CDK13: variants seen among roughly 807,000 people sequenced by gnomAD.
The protein encoded by CDK13 is cyclin-dependent kinase 13.
In CDK13, 40 loss-of-function variants were observed where a neutral mutation model predicts 137.6. The ratio of observed to expected loss-of-function variants is 0.29; its 90% CI spans 0.23 to 0.38. CDK13 has a LOEUF of 0.38. Among genes scored for constraint, CDK13 ranks in the 10% least tolerant of loss-of-function variants. CDK13 has a pLI of 1.00. For synonymous variants in CDK13, 869 were observed against 760.1 expected (o/e 1.14, Z -2.36); for missense variants, 1,704 against 1,951.8 (o/e 0.87, Z 2.39).
At position 40,030,278 on chromosome 7, in the gene CDK13, G is replaced by T. The variant is rs754855434; in HGVS notation, c.2354-15558G>T. 4.1e-3 allele frequency among the ~76,000 whole-genome samples: 515 copies of T among 127,012 alleles called. 3 individuals are homozygous for T. The highest frequency in any genetic ancestry group is 7.4e-3 in the Admixed American group (105 of 14,118). The allele number at this position is 127,012 out of a possible 152,430, so 83.3% of individuals were successfully genotyped here. ...GTGTGTGTGTATATATATATATAGAGAGAGAGAGAGAGAGAAAGTCATTCA... is the reference window on the plus strand; with the variant it reads ...GTGTGTGTGTATATATATATATAGATAGAGAGAGAGAGAGAAAGTCATTCA... On this transcript the variant is annotated intron_variant, in intron 5 of 13. Coordinates refer to ENST00000181839, the MANE Select transcript of CDK13 (RefSeq NM_003718.5).
intron 3 of CDK13, chr7:39,999,113 T>C (rs545168918): frequency 3.3e-6 from 1 of 305,138 alleles, no homozygotes; most frequent in African/African-American, 2.1e-5. Flanking sequence ...CAAGCTCTAC[T>C]ACTTTTTTTC....
intron 1 of CDK13, among the ~76,000 whole-genome samples, chr7:39,953,556 T>C (rs1787306758): frequency 6.6e-6 from 1 of 152,220 alleles, no homozygotes; most frequent in Admixed American, 6.5e-5. Context: ...AATCGTGGTA[T>C]GTATGACTAG....
chr7:40,082,486 CAAAAAAAAAAAAAAAA>C (rs70996879), intron 11 of CDK13, among the ~76,000 whole-genome samples: 9 of 74,794 alleles, frequency 1.2e-4, no homozygotes, highest in Non-Finnish European at 8.9e-5. Context: ...ACTCCATTTC[CAAAAAAAAAAAAAAAA>C]AAAAAAAAAA....
At chr7:40,023,568 C>T (rs1003067067) in intron 5 of CDK13, among the ~76,000 whole-genome samples, 1 of 151,220 alleles carries the variant, frequency 6.6e-6, no homozygotes, top group African/African-American at 2.4e-5. Flanking sequence ...GGCATGATCT[C>T]GGCTCACTGC....
intron 5 of CDK13, among the ~76,000 whole-genome samples, chr7:40,039,434 ATT>A (rs976319927): frequency 7.6e-4 from 65 of 84,986 alleles, no homozygotes; most frequent in African/African-American, 7.2e-4. Context: ...TGCCCGGCTA[ATT>A]TTTTTTTTTT....
chr7:40,087,290 A>G (rs1786810571), intron 11 of CDK13, among the ~76,000 whole-genome samples: 1 of 151,802 alleles, frequency 6.6e-6, no homozygotes. Flanking sequence ...ACTGCAGTGC[A>G]CAACATCATG....
chr7:39,968,305 C>G (rs1384369394), intron 1 of CDK13, among the ~76,000 whole-genome samples: 1 of 152,116 alleles, frequency 6.6e-6, no homozygotes. Context: ...AACCTTTGCC[C>G]AAACTAATGT....
At chr7:40,055,446 G>A (rs944212750) in intron 7 of CDK13, among the ~76,000 whole-genome samples, 4 of 151,988 alleles carry the variant, frequency 2.6e-5, no homozygotes, top group African/African-American at 4.8e-5. Flanking sequence ...AAAAAGCATC[G>A]TATATGTAGT....
At chr7:40,006,823 A>C (rs962201109) in intron 5 of CDK13, among the ~76,000 whole-genome samples, 1 of 152,162 alleles carries the variant, frequency 6.6e-6, no homozygotes, top group African/African-American at 2.4e-5. Context: ...GTATGAAGTA[A>C]AAACTCGAGT....
intron 1 of CDK13, among the ~76,000 whole-genome samples, chr7:39,957,312 G>GATGATAAAAGTTAGTTTTTTTATC (rs567959157): frequency 1.8e-4 from 27 of 151,470 alleles, no homozygotes; most frequent in Middle Eastern, 3.4e-3. Flanking sequence ...TTTTTTTCCT[G>GATGATAAAAGTTAGTTTTTTTATC]TGCCCCCACA....
chr7:40,091,850 T>A (rs1372975576), intron 12 of CDK13, among the ~76,000 whole-genome samples: 1 of 152,222 alleles, frequency 6.6e-6, no homozygotes, highest in African/African-American at 2.4e-5. Flanking sequence ...TCTATCAATC[T>A]GTCATCTGTG....
At chr7:40,052,199 C>T (rs866399573) in intron 7 of CDK13, among the ~76,000 whole-genome samples, 16 of 152,248 alleles carry the variant, frequency 1.1e-4, no homozygotes, top group Middle Eastern at 3.4e-3. Context: ...ATTTATGAGA[C>T]GGAGTCTCAC....
Position 40,092,951 on chromosome 7 carries a change from A to C in CDK13, c.3402A>C (p.Gly1134=). The change falls in exon 13 of 14, where the codon GGA becomes GGC. Residue 1134 remains glycine, a synonymous_variant. Transcript: ENST00000181839. The stretch of plus-strand genomic sequence containing the variant: ...TAAATAAAATAAACCTTCCTGCTGG[A>C]ATTTTGGCAACAGGTGAAAAACAGA... ...QQLNKINLPA[G]ILATGEKQTD... 6.2e-7 allele frequency: 1 copy of C among 1,614,208 alleles called. No homozygotes were observed. Among genetic ancestry groups the C allele is most frequent in the Non-Finnish European group, 8.5e-7 (1 of 1,180,032 alleles).
intron 5 of CDK13, among the ~76,000 whole-genome samples, chr7:40,013,060 C>T (rs1279918036): frequency 6.6e-6 from 1 of 152,104 alleles, no homozygotes; most frequent in Non-Finnish European, 1.5e-5. Context: ...TGTGTACCTA[C>T]AATTAAGTAC....
intron 5 of CDK13, among the ~76,000 whole-genome samples, chr7:40,029,375 C>T (rs907433996): frequency 6.7e-6 from 1 of 150,228 alleles, no homozygotes; most frequent in Non-Finnish European, 1.5e-5. Flanking sequence ...TGCAGTGAGC[C>T]GAGATCGTGC....
At chr7:40,028,711 T>G (rs1785300034) in intron 5 of CDK13, among the ~76,000 whole-genome samples, 1 of 152,180 alleles carries the variant, frequency 6.6e-6, no homozygotes, top group South Asian at 2.1e-4. Context: ...TTTAAATCTC[T>G]TGTCTTTTAG....
chr7:39,954,540 A>G (rs1009215120), intron 1 of CDK13, among the ~76,000 whole-genome samples: 8 of 152,188 alleles, frequency 5.3e-5, no homozygotes, highest in African/African-American at 1.9e-4. Context: ...TAAATGTTGA[A>G]TAGGTGTAAA....
intron 5 of CDK13, among the ~76,000 whole-genome samples, chr7:40,038,702 A>C (rs1785538384): frequency 6.6e-6 from 1 of 151,938 alleles, no homozygotes; most frequent in South Asian, 2.1e-4. Context: ...TAATTAATTT[A>C]TATTTATTTT....
chr7:40,052,641 C>T (rs548875466), intron 7 of CDK13, among the ~76,000 whole-genome samples: 2 of 152,216 alleles, frequency 1.3e-5, no homozygotes, highest in South Asian at 2.1e-4. Context: ...CCTCCCAAAA[C>T]GCACACACCT....
Sources: allele counts gnomAD v4.1 joint callset (sites outside exome capture counted in the v4.1 genomes callset), GRCh38; gene constraint gnomAD v4.1.1; transcripts MANE v1.5; gene names NCBI Gene and HGNC (gene_info 2026-07-23, HGNC 2026-07-21).